The following VAX1 variants were observed in gnomAD, a reference collection of about 807,000 sequenced individuals.
VAX1 encodes the protein ventral anterior homeobox 1.
A neutral mutation model predicts 17.6 loss-of-function variants in VAX1; 6 were observed. The observed-to-expected ratio is 0.34, with a 90% CI of 0.19 to 0.67. The LOEUF (loss-of-function observed/expected upper bound fraction) is 0.67, where lower values mean the gene tolerates loss of function less well. Ranked by LOEUF, VAX1 falls within the 30% of genes least tolerant of loss-of-function variation. The pLI is 0.69. For missense variants in VAX1, 408 were observed against 463.7 expected, an observed-to-expected ratio of 0.88 and a Z score of 1.10; for synonymous variants, 256 against 227.4, an observed-to-expected ratio of 1.13 and a Z score of -1.13.
rs1209604989 is a variant in VAX1, at chr10:117,134,253, C to T, written c.760G>A (p.Gly254Arg). 1 of 1,374,170 alleles carries T rather than the reference C, an allele frequency of 7.3e-7. No homozygotes were observed. Among genetic ancestry groups the T allele is most frequent in the Non-Finnish European group, 9.3e-7 (1 of 1,074,632 alleles). The allele number at this position is 1,374,170 out of a possible 1,614,324, so 85.1% of individuals were successfully genotyped here. A position where few individuals can be genotyped will look rare whatever the true frequency, so the allele number is the denominator to read the frequency against. ...PPAVGGAPGPGPAGPGGLHAG... is the reference protein window; with the variant it reads ...PPAVGGAPGPRPAGPGGLHAG... ...TGCAATCCCCCCGGCCCGGCGGGCC[C>T]GGGACCTGGAGCACCGCCCACAGCC... is the stretch of plus-strand genomic sequence containing the variant. The change falls in exon 3 of 3, where the codon GGG (glycine) becomes AGG (arginine). Residue 254 changes from glycine to arginine, a missense_variant. Gly to Arg is a moderately radical substitution (Grantham distance 125). This residue lies in a region of VAX1 where 196 missense variants were observed against 218.7 expected (regional missense o/e 0.90). Transcript: ENST00000369206. The surrounding 1 kb of genome is among the most constrained non-coding windows in gnomAD (Gnocchi z 6.2).
chr10:117,132,303 C>T, downstream of VAX1: 1 of 1,613,472 alleles, frequency 6.2e-7, no homozygotes, highest in Non-Finnish European at 8.5e-7. This position sits in a 1 kb window ranked among gnomAD's most constrained non-coding sequence, Gnocchi z 4.9. Context: ...TTTTTTTATC[C>T]TTCAAATATA....
chr10:117,128,661 C>T (rs937091549), downstream of VAX1: 1 of 152,138 alleles, frequency 6.6e-6, no homozygotes, highest in Non-Finnish European at 1.5e-5. Flanking sequence ...TTCATATTAG[C>T]TAGAAATCAG....
downstream of VAX1, chr10:117,132,495 A>T (rs1854102107): frequency 6.3e-7 from 1 of 1,586,796 alleles, no homozygotes; most frequent in East Asian, 2.2e-5. This position sits in a 1 kb window ranked among gnomAD's most constrained non-coding sequence, Gnocchi z 4.9. Flanking sequence ...AAAAAAAAAG[A>T]TGAAAAAGAG....
At chr10:117,129,750 C>G (rs867456286), downstream of VAX1, 1 of 150,950 alleles carries the variant, frequency 6.6e-6, no homozygotes, top group Non-Finnish European at 1.5e-5. Flanking sequence ...TATTATAATT[C>G]AATTTATAAA....
At chr10:117,132,137 G>A, downstream of VAX1, 2 of 1,486,942 alleles carry the variant, frequency 1.3e-6, no homozygotes, top group Non-Finnish European at 9.1e-7. This position sits in a 1 kb window ranked among gnomAD's most constrained non-coding sequence, Gnocchi z 4.9. Context: ...AGGCGTCTCT[G>A]CCTCTCCGGA....
rs1854203053 is a variant in VAX1, at chr10:117,137,563, G to A, written c.241+253C>T. 6.6e-6 allele frequency among the ~76,000 whole-genome samples: 1 copy of A among 152,154 alleles called. No homozygotes were observed. Among genetic ancestry groups the A allele is most frequent in the Non-Finnish European group, 1.5e-5 (1 of 68,014 alleles). On this transcript the variant is annotated intron_variant, in intron 1 of 2. Transcript: ENST00000369206. This position sits in a 1 kb window ranked among gnomAD's most constrained non-coding sequence, Gnocchi z 7.4. ...CGCAGCCCGATGCCCGGCCGCACCC[G>A]CGCAGCCCCTCATCTCCCCCCGCAG...
chr10:117,129,490 TAAA>T (rs1238804779), downstream of VAX1: 1 of 152,638 alleles, frequency 6.6e-6, no homozygotes, highest in Non-Finnish European at 1.5e-5. Flanking sequence ...CAAGAAATCT[TAAA>T]AAGACTTCTT....
At position 117,136,975 on chromosome 10, in the gene VAX1, G is replaced by A. The variant is rs1589947531; in HGVS notation, c.242-316C>T. Among the ~76,000 whole-genome samples, 3 of 151,958 alleles carry A rather than the reference G, an allele frequency of 2.0e-5. No homozygotes were observed. On this transcript the variant is annotated intron_variant, in intron 1 of 2. Transcript: ENST00000369206. The surrounding 1 kb of genome is among the most constrained non-coding windows in gnomAD (Gnocchi z 5.0). Reference sequence around the variant, plus strand: ...TGGGGGGGCCTCGGCTGAGCCTTCCGGGTCCCCTGTAGCCTGAGGGTACCC... The same window carrying A: ...TGGGGGGGCCTCGGCTGAGCCTTCCAGGTCCCCTGTAGCCTGAGGGTACCC...
At chr10:117,130,563 G>T (rs1419870849), downstream of VAX1, 1 of 152,258 alleles carries the variant, frequency 6.6e-6, no homozygotes, top group Admixed American at 6.5e-5. Flanking sequence ...CCAGCTATTG[G>T]CATAGAGGGT....
Position 117,134,990 on chromosome 10 carries a change from G to A in VAX1, c.430-407C>T, listed in dbSNP as rs896715161. 5.3e-5 allele frequency among the ~76,000 whole-genome samples: 8 copies of A among 152,206 alleles called. No individual in the cohort carries two copies. The highest frequency in any genetic ancestry group is 1.9e-4 in the African/African-American group (8 of 41,468). ...CCGGAATTTCCGGTGGAGGGTGTGA[G>A]GCCCTAGGGTGCGGGTGCGGTGAAG... On this transcript the variant is annotated intron_variant, in intron 2 of 2. Transcript: ENST00000369206. The surrounding 1 kb of genome is among the most constrained non-coding windows in gnomAD (Gnocchi z 6.2).
intron 2 of VAX1, among the ~76,000 whole-genome samples, chr10:117,135,524 A>C (rs1278504085): frequency 6.6e-6 from 1 of 152,194 alleles, no homozygotes; most frequent in Non-Finnish European, 1.5e-5. Context: ...AGAAAAAGCT[A>C]CCATACCAAC....
chr10:117,137,210 G>T lies in VAX1; in HGVS notation c.242-551C>A, dbSNP rs973875450. ...GGGGCCCGGCCTCGCAGCCTCCGCCGCCGGGGCTAAGTGCACGCCGCGCCA... is the reference window on the plus strand; with the variant it reads ...GGGGCCCGGCCTCGCAGCCTCCGCCTCCGGGGCTAAGTGCACGCCGCGCCA... On this transcript the variant is annotated intron_variant, in intron 1 of 2. Coordinates refer to ENST00000369206, the MANE Select transcript of VAX1 (RefSeq NM_001112704.2). The surrounding 1 kb of genome is among the most constrained non-coding windows in gnomAD (Gnocchi z 7.4). Among the ~76,000 whole-genome samples the T allele has an allele frequency of 6.6e-6, 1 of 152,078 alleles. No individual in the cohort carries two copies. The highest frequency in any genetic ancestry group is 1.5e-5 in the Non-Finnish European group (1 of 68,000).
Position 117,133,353 on chromosome 10 carries a change from T to G in VAX1, c.*655A>C, listed in dbSNP as rs1854116313. On this transcript the variant is annotated 3_prime_UTR_variant, in exon 3 of 3. Coordinates refer to ENST00000369206, the MANE Select transcript of VAX1 (RefSeq NM_001112704.2). ...CAAATTTATCAGTGTCGTTGCCTAC[T>G]ACGACGTTTGTTACTGTTTCCTGGG... The G allele has an allele frequency of 1.0e-6, 1 of 985,504 alleles. No homozygotes were observed. The highest frequency in any genetic ancestry group is 1.2e-6 in the Non-Finnish European group (1 of 829,980). 61.0% of individuals were successfully genotyped at this position (985,504 alleles called of 1,614,324 possible).
rs780107711 is a variant in VAX1 at position 117,134,379 on chromosome 10, G to A, written c.634C>T (p.Pro212Ser). The A allele has an allele frequency of 1.0e-5, 13 of 1,273,378 alleles. No individual in the cohort carries two copies. In the South Asian group the frequency reaches 2.8e-4, roughly 28 times the overall value. 78.9% of individuals were successfully genotyped at this position (1,273,378 alleles called of 1,614,324 possible). A position where few individuals can be genotyped will look rare whatever the true frequency, so the allele number is the denominator to read the frequency against. The change falls in exon 3 of 3, where the codon CCC becomes TCC. Residue 212 changes from proline to serine, a missense_variant. Physicochemically the swap from Pro to Ser is moderately conservative, Grantham distance 74. Transcript: ENST00000369206. The surrounding 1 kb of genome is among the most constrained non-coding windows in gnomAD (Gnocchi z 6.2). ...CCCGCGCCCAGGGCCGGCAAGCTGG[G>A]CCCGCGCAGCGCTGAGCCGAGAGCG... Reference protein sequence around the residue: ...TGALGSALRGPSLPALGAGAA... With the variant: ...TGALGSALRGSSLPALGAGAA...
At chr10:117,131,962 C>G, downstream of VAX1, 1 of 448,144 alleles carries the variant, frequency 2.2e-6, no homozygotes, top group South Asian at 6.1e-5. Context: ...AGAAACCTAG[C>G]ATTAGGAGGC....
chr10:117,133,498 C>T lies in VAX1; in HGVS notation c.*510G>A. The T allele has an allele frequency of 7.1e-6, 7 of 985,628 alleles. No individual in the cohort carries two copies. The highest frequency in any genetic ancestry group is 8.4e-6 in the Non-Finnish European group (7 of 830,082). The allele number at this position is 985,628 out of a possible 1,614,324, so 61.1% of individuals were successfully genotyped here. On this transcript the variant is annotated 3_prime_UTR_variant, in exon 3 of 3. Transcript: ENST00000369206. ...AGGTCCGCAAAGCGGGGCCCAGGGGCTCCCACAAGCCCTGGTTTCCCTGGC... is the reference window on the plus strand; with the variant it reads ...AGGTCCGCAAAGCGGGGCCCAGGGGTTCCCACAAGCCCTGGTTTCCCTGGC...
Position 117,138,002 on chromosome 10 carries a change from C to T in VAX1, c.55G>A (p.Ala19Thr). The T allele has an allele frequency of 6.2e-7, 1 of 1,612,570 alleles. No individual in the cohort carries two copies. Among genetic ancestry groups the T allele is most frequent in the Non-Finnish European group, 8.5e-7 (1 of 1,179,764 alleles). ...TTGTGCGCGTTCTTCGAGACCCGGG[C>T]AGCCTCGGCGTCCGAGTGGCATCGA... ...DVRCHSDAEA[A>T]RVSKNAHKES... The change falls in exon 1 of 3, where the codon GCC (alanine) becomes ACC (threonine). Residue 19 changes from alanine to threonine, a missense_variant. By Grantham distance (58) the Ala-to-Thr change is moderately conservative. Transcript: ENST00000369206.
At chr10:117,129,703 T>G (rs1187763766), downstream of VAX1, 1 of 151,394 alleles carries the variant, frequency 6.6e-6, no homozygotes, top group Non-Finnish European at 1.5e-5. Context: ...ATAGTTAAGC[T>G]TTGTGTACTT....
chr10:117,136,751 C>T lies in VAX1; in HGVS notation c.242-92G>A. 1 of 1,472,088 alleles carries T rather than the reference C, an allele frequency of 6.8e-7. No individual in the cohort carries two copies. Among genetic ancestry groups the T allele is most frequent in the South Asian group, 1.4e-5 (1 of 72,302 alleles). The allele number at this position is 1,472,088 out of a possible 1,614,324, so 91.2% of individuals were successfully genotyped here. A position where few individuals can be genotyped will look rare whatever the true frequency, so the allele number is the denominator to read the frequency against. On this transcript the variant is annotated intron_variant, in intron 1 of 2. Transcript: ENST00000369206. The surrounding 1 kb of genome is among the most constrained non-coding windows in gnomAD (Gnocchi z 5.0). ...GATTTGGGGACACAGTCCCCAGAAG[C>T]GTGCAGTTTTGGGGATGGGGGGCGG...
Sources: gnomAD v4.1 joint callset for allele counts (sites outside exome capture counted in the v4.1 genomes callset) on GRCh38, gnomAD v4.1.1 for gene constraint, gnomAD v4.1.1 regional missense constraint, Gnocchi (gnomAD v3.1) non-coding constraint, MANE v1.5 for transcripts, NCBI Gene and HGNC (gene_info 2026-07-23, HGNC 2026-07-21) for gene names.